Variants in KCNIP1 observed in about 807,000 individuals in gnomAD.
The protein encoded by KCNIP1 is potassium voltage-gated channel interacting protein 1, also known as A-type potassium channel modulatory protein KCNIP1.
In KCNIP1, 18 loss-of-function variants were observed where a neutral mutation model predicts 33.0. The observed-to-expected ratio is 0.55, with a 90% CI of 0.38 to 0.81. KCNIP1 has a LOEUF of 0.81. Among genes scored for constraint, KCNIP1 ranks in the 30% least tolerant of loss-of-function variants. The probability of loss-of-function intolerance (pLI) is 0.00; values close to 1 mark genes in which losing one functional copy is unlikely to be tolerated. For synonymous variants in KCNIP1, 93 were observed against 98.3 expected (o/e 0.95, Z 0.32); for missense variants, 238 against 271.6 (o/e 0.88, Z 0.87).
At chr5:170,661,799 C>T (rs761857710) in intron 1 of KCNIP1, among the ~76,000 whole-genome samples, 2 of 152,346 alleles carry the variant, frequency 1.3e-5, no homozygotes, top group East Asian at 3.9e-4. Context: ...TATTAGATAT[C>T]GATGCTGTGC....
intron 1 of KCNIP1, among the ~76,000 whole-genome samples, chr5:170,663,841 G>C (rs934084365): frequency 6.6e-6 from 1 of 151,742 alleles, no homozygotes; most frequent in Non-Finnish European, 1.5e-5. Context: ...TCTCTGCACC[G>C]CTCCCAACTG....
intron 1 of KCNIP1, among the ~76,000 whole-genome samples, chr5:170,487,143 G>A (rs1042422521): frequency 3.9e-5 from 6 of 152,162 alleles, no homozygotes; most frequent in Non-Finnish European, 7.3e-5. Context: ...AAGTAGTCAA[G>A]GGAAATTCAA....
intron 1 of KCNIP1, among the ~76,000 whole-genome samples, chr5:170,398,692 C>T (rs1243259622): frequency 6.6e-6 from 1 of 152,208 alleles, no homozygotes; most frequent in Non-Finnish European, 1.5e-5. Flanking sequence ...ATTCAGAGGC[C>T]CAATCTTCAT....
intron 1 of KCNIP1, among the ~76,000 whole-genome samples, chr5:170,486,668 C>T (rs1379603548): frequency 6.6e-6 from 1 of 152,220 alleles, no homozygotes; most frequent in Non-Finnish European, 1.5e-5. Context: ...CTTCTCATAG[C>T]TTCTTCAGCC....
intron 1 of KCNIP1, chr5:170,385,534 G>C: frequency 6.9e-7 from 1 of 1,455,152 alleles, no homozygotes; most frequent in African/African-American, 1.4e-5. Context: ...CACAGAAAGA[G>C]AGGACAGGTG....
intron 1 of KCNIP1, among the ~76,000 whole-genome samples, chr5:170,613,048 G>A (rs1561717886): frequency 6.6e-6 from 1 of 152,154 alleles, no homozygotes; most frequent in South Asian, 2.1e-4. Flanking sequence ...ACACCTGAAC[G>A]TGCCTCTCCT....
At chr5:170,422,156 C>T (rs1192804804) in intron 1 of KCNIP1, 1 of 152,138 alleles carries the variant, frequency 6.6e-6, no homozygotes, top group Non-Finnish European at 1.5e-5. Context: ...CATGCAAAAC[C>T]ATCATAGACA....
intron 1 of KCNIP1, among the ~76,000 whole-genome samples, chr5:170,469,815 G>C (rs116466309): frequency 2.6e-5 from 4 of 152,090 alleles, no homozygotes; most frequent in Non-Finnish European, 4.4e-5. Flanking sequence ...CTGTCCTTGG[G>C]TGCAAGTTTT....
chr5:170,515,921 A>G (rs1177471508), intron 1 of KCNIP1, among the ~76,000 whole-genome samples: 1 of 152,246 alleles, frequency 6.6e-6, no homozygotes, highest in Non-Finnish European at 1.5e-5. Context: ...GGGTTGGCCC[A>G]GGCAAGAATG....
intron 1 of KCNIP1, among the ~76,000 whole-genome samples, chr5:170,474,713 A>C (rs565767864): frequency 6.6e-6 from 1 of 152,322 alleles, no homozygotes; most frequent in African/African-American, 2.4e-5. Flanking sequence ...CAACCAGGAA[A>C]CAGCAATGCT....
chr5:170,503,066 A>G (rs1223260902), upstream of KCNIP1, among the ~76,000 whole-genome samples: 1 of 152,092 alleles, frequency 6.6e-6, no homozygotes, highest in Non-Finnish European at 1.5e-5. Context: ...AAGGGAGAAG[A>G]GGTAGAACCA....
At chr5:170,354,675 C>T (rs1350796730) in intron 1 of KCNIP1, among the ~76,000 whole-genome samples, 6 of 152,232 alleles carry the variant, frequency 3.9e-5, no homozygotes, top group African/African-American at 7.2e-5. Context: ...AGGGCTGCAG[C>T]CCCAGATGGG....
chr5:170,366,858 G>A (rs748103179), intron 1 of KCNIP1, among the ~76,000 whole-genome samples: 16 of 152,108 alleles, frequency 1.1e-4, no homozygotes, highest in Non-Finnish European at 2.1e-4. Flanking sequence ...AAGACCCCTC[G>A]CCTCCTCCCT....
At chr5:170,445,417 T>C (rs990431824) in intron 1 of KCNIP1, among the ~76,000 whole-genome samples, 1 of 152,242 alleles carries the variant, frequency 6.6e-6, no homozygotes, top group Non-Finnish European at 1.5e-5. Context: ...CCTGCCACCA[T>C]GGCTGCGAGT....
intron 1 of KCNIP1, among the ~76,000 whole-genome samples, chr5:170,545,793 A>C (rs1167804457): frequency 6.6e-6 from 1 of 152,110 alleles, no homozygotes; most frequent in Non-Finnish European, 1.5e-5. Context: ...ACCATAGTCA[A>C]AGTCCTGTCT....
intron 1 of KCNIP1, among the ~76,000 whole-genome samples, chr5:170,603,317 C>T (rs1399883053): frequency 6.6e-6 from 1 of 152,236 alleles, no homozygotes; most frequent in African/African-American, 2.4e-5. Flanking sequence ...AATCACACCT[C>T]TGGCGGGGAG....
chr5:170,402,536 C>T (rs1349498451), intron 1 of KCNIP1, among the ~76,000 whole-genome samples: 1 of 152,138 alleles, frequency 6.6e-6, no homozygotes, highest in African/African-American at 2.4e-5. Flanking sequence ...GCCTTGAGGT[C>T]CCCCTGGAGT....
At chr5:170,601,321 G>C (rs1293269542) in intron 1 of KCNIP1, among the ~76,000 whole-genome samples, 1 of 152,176 alleles carries the variant, frequency 6.6e-6, no homozygotes, top group Non-Finnish European at 1.5e-5. Context: ...CAATGGATCG[G>C]AACCACAGTC....
At chr5:170,689,445 A>G (rs563344762) in intron 1 of KCNIP1, among the ~76,000 whole-genome samples, 1 of 152,336 alleles carries the variant, frequency 6.6e-6, no homozygotes, top group African/African-American at 2.4e-5. Flanking sequence ...CATTTGACAG[A>G]TAAGGAAACT....
Sources: allele counts gnomAD v4.1 joint callset (sites outside exome capture counted in the v4.1 genomes callset), GRCh38; gene constraint gnomAD v4.1.1; transcripts MANE v1.5; gene names NCBI Gene and HGNC (gene_info 2026-07-23, HGNC 2026-07-21).